MYSM1: variants seen among roughly 807,000 people sequenced by gnomAD.
MYSM1 encodes the protein deubiquitinase MYSM1.
In MYSM1, 51 loss-of-function variants were observed where a neutral mutation model predicts 116.0. That is an observed-to-expected ratio of 0.44 (90% CI 0.35 to 0.56). The LOEUF (loss-of-function observed/expected upper bound fraction) is 0.56. Ranked by LOEUF, MYSM1 falls within the 20% of genes least tolerant of loss-of-function variation. The pLI is 0.00. For missense variants in MYSM1, 900 were observed against 974.9 expected, an observed-to-expected ratio of 0.92 and a Z score of 1.02; for synonymous variants, 313 against 315.2, an observed-to-expected ratio of 0.99 and a Z score of 0.07.
rs1487760907 is a variant in MYSM1 at position 58,692,891 on chromosome 1, G to A, written c.188C>T (p.Ala63Val). ...LDNTISEENR[A>V]VIEKMLLEEE... ...TTCCAACAACATTTTCTCAATAACA[G>A]CTCTGTTCTCTTCACTGATGGTGTT... Residue 63 changes from alanine to valine, a missense_variant, in exon 3 of 20, where the codon GCT becomes GTT. Around this residue, in one of 3 missense-constraint regions of MYSM1, gnomAD observed 622 missense variants for 623.7 expected, o/e 1.00. Transcript: ENST00000472487. 1 of 1,609,504 alleles carries A rather than the reference G, an allele frequency of 6.2e-7. No individual in the cohort carries two copies. The highest frequency in any genetic ancestry group is 8.5e-7 in the Non-Finnish European group (1 of 1,178,108).
intron 12 of MYSM1, among the ~76,000 whole-genome samples, chr1:58,670,876 T>C (rs935453555): frequency 2.6e-5 from 4 of 152,200 alleles, no homozygotes; most frequent in African/African-American, 9.6e-5. Context: ...AAAAAGATCC[T>C]GAAGACCTTG....
At chr1:58,672,976 A>G (rs1644586602) in intron 11 of MYSM1, among the ~76,000 whole-genome samples, 1 of 152,204 alleles carries the variant, frequency 6.6e-6, no homozygotes, top group South Asian at 2.1e-4. Context: ...TACTTTGTGC[A>G]TGCAAGGCTT....
Position 58,655,034 on chromosome 1 carries a change from T to C in MYSM1, c.*4963A>G, listed in dbSNP as rs1236051390. 3 of 152,172 alleles carry C rather than the reference T, an allele frequency of 2.0e-5. No homozygotes were observed. The highest frequency in any genetic ancestry group is 7.2e-5 in the African/African-American group (3 of 41,448). The allele number at this position is 152,172 out of a possible 1,614,324, so 9.4% of individuals were successfully genotyped here. On this transcript the variant is annotated 3_prime_UTR_variant, in exon 20 of 20. Transcript: ENST00000472487. ...CTAATTTTTAAAAGTCCACAAACAC[T>C]GATAGCATTTGGAAAAAAATAGCAA...
intron 7 of MYSM1, among the ~76,000 whole-genome samples, chr1:58,683,893 T>C (rs1383925673): frequency 1.3e-5 from 2 of 152,236 alleles, no homozygotes; most frequent in African/African-American, 4.8e-5. Context: ...TTTCATAATA[T>C]ACTAGTCTCT....
intron 1 of MYSM1, among the ~76,000 whole-genome samples, chr1:58,698,532 T>C (rs942534755): frequency 1.4e-5 from 2 of 140,076 alleles, no homozygotes; most frequent in African/African-American, 5.3e-5. Flanking sequence ...TCAACTAAAA[T>C]AGGAAGAAAG....
rs1421004772 is a variant in MYSM1, at chr1:58,692,547, TA to T, written c.218+313del. On this transcript the variant is annotated intron_variant, in intron 3 of 19. Coordinates refer to ENST00000472487, the MANE Select transcript of MYSM1 (RefSeq NM_001085487.3). ...TCTCTGGGTTTCAGCTTATATAACTTAAAAATGCAAGCTTGGACTTAAGGTT... is the reference window on the plus strand; with the variant it reads ...TCTCTGGGTTTCAGCTTATATAACTTAAAATGCAAGCTTGGACTTAAGGTT... 14 of 195,616 alleles carry T rather than the reference TA, an allele frequency of 7.2e-5. No individual in the cohort carries two copies. The Admixed American group carries it at 8.4e-4, about 12-fold the overall frequency. 12.1% of individuals were successfully genotyped at this position (195,616 alleles called of 1,614,324 possible).
intron 1 of MYSM1, among the ~76,000 whole-genome samples, chr1:58,699,345 C>T (rs1210876663): frequency 6.6e-6 from 1 of 152,224 alleles, no homozygotes; most frequent in African/African-American, 2.4e-5. Flanking sequence ...ATAATCATTT[C>T]ATTTGATCCT....
chr1:58,689,947 T>G (rs1036656120), intron 5 of MYSM1, among the ~76,000 whole-genome samples: 2 of 152,164 alleles, frequency 1.3e-5, no homozygotes, highest in African/African-American at 4.8e-5. Context: ...ATATATCACA[T>G]AACAGCTTCT....
intron 5 of MYSM1, chr1:58,689,407 A>G (rs915928020): frequency 3.0e-5 from 8 of 268,934 alleles, no homozygotes; most frequent in Non-Finnish European, 5.5e-5. Context: ...TAACAAACAA[A>G]TAGGCTCCCT....
rs1046803442 is a variant in MYSM1, at chr1:58,655,041, A to C, written c.*4956T>G. The C allele has an allele frequency of 6.6e-6, 1 of 152,200 alleles. No homozygotes were observed. The highest frequency in any genetic ancestry group is 2.4e-5 in the African/African-American group (1 of 41,470). The allele number at this position is 152,200 out of a possible 1,614,324, so 9.4% of individuals were successfully genotyped here. A position where few individuals can be genotyped will look rare whatever the true frequency, so the allele number is the denominator to read the frequency against. ...TTAAAAGTCCACAAACACTGATAGCATTTGGAAAAAAATAGCAACAAGTTT... is the reference window on the plus strand; with the variant it reads ...TTAAAAGTCCACAAACACTGATAGCCTTTGGAAAAAAATAGCAACAAGTTT... On this transcript the variant is annotated 3_prime_UTR_variant, in exon 20 of 20. Coordinates refer to ENST00000472487, the MANE Select transcript of MYSM1 (RefSeq NM_001085487.3).
At chr1:58,670,675 T>C (rs1171268181) in intron 12 of MYSM1, among the ~76,000 whole-genome samples, 1 of 152,210 alleles carries the variant, frequency 6.6e-6, no homozygotes, top group African/African-American at 2.4e-5. Flanking sequence ...TGAAGATATA[T>C]GCGTTAATTG....
Position 58,667,033 on chromosome 1 carries a change from A to G in MYSM1, c.2031+5T>C, listed in dbSNP as rs768697394. On this transcript the variant is annotated splice_donor_5th_base_variant and intron_variant, in intron 16 of 19. Transcript: ENST00000472487. ...ATTTACAGAATATAAATATACATGT[A>G]ATACCTGGTATTTAGCTTGTGTGTC... 2 of 1,585,714 alleles carry G rather than the reference A, an allele frequency of 1.3e-6. No homozygotes were observed. Among genetic ancestry groups the G allele is most frequent in the South Asian group, 2.3e-5 (2 of 88,550 alleles).
chr1:58,689,027 G>A lies in MYSM1; in HGVS notation c.399+11C>T. The A allele has an allele frequency of 6.3e-7, 1 of 1,592,598 alleles. No homozygotes were observed. Among genetic ancestry groups the A allele is most frequent in the South Asian group, 1.2e-5 (1 of 86,376 alleles). ...ATTATTTTACTAAAAATTTAAAATT[G>A]CTCTATTTACCAGCCCTTGTTCAAA... is the stretch of plus-strand genomic sequence containing the variant. On this transcript the variant is annotated intron_variant, in intron 6 of 19. Transcript: ENST00000472487.
intron 8 of MYSM1, among the ~76,000 whole-genome samples, chr1:58,680,304 C>T (rs746791672): frequency 3.9e-5 from 6 of 152,170 alleles, no homozygotes; most frequent in Non-Finnish European, 8.8e-5. Flanking sequence ...GTCCCTAAAC[C>T]TCTCCTGATC....
intron 7 of MYSM1, among the ~76,000 whole-genome samples, chr1:58,684,094 T>C (rs367951936): frequency 2.7e-4 from 41 of 152,252 alleles, no homozygotes; most frequent in Admixed American, 7.2e-4. Context: ...AGATGGAGCA[T>C]ACAATCGATG....
At chr1:58,694,314 T>A (rs1042427374) in intron 2 of MYSM1, among the ~76,000 whole-genome samples, 13 of 152,148 alleles carry the variant, frequency 8.5e-5, no homozygotes, top group African/African-American at 3.1e-4. Context: ...TGGCACCGAG[T>A]AAGTACTCAA....
In MYSM1 at chr1:58,700,031, C is replaced by T. The variant is rs1178704124; in HGVS notation, c.22G>A (p.Val8Met). 4.3e-6 allele frequency: 7 copies of T among 1,613,660 alleles called. No individual in the cohort carries two copies. Among genetic ancestry groups the T allele is most frequent in the Non-Finnish European group, 5.9e-6 (7 of 1,180,018 alleles). Residue 8 changes from valine (V) to methionine (M), a missense_variant, in exon 1 of 20, where the codon GTG becomes ATG. Physicochemically the swap from Val to Met is conservative, Grantham distance 21. This residue lies in a region of MYSM1 where 622 missense variants were observed against 623.7 expected (regional missense o/e 1.00). Coordinates refer to ENST00000472487, the MANE Select transcript of MYSM1 (RefSeq NM_001085487.3). Reference protein sequence around the residue: MAAEEADVDIEGDVVAAA... With the variant: MAAEEADMDIEGDVVAAA... ...GCTACCACGTCCCCTTCGATATCCACATCCGCCTCTTCAGCCGCCATGATG... is the reference window on the plus strand; with the variant it reads ...GCTACCACGTCCCCTTCGATATCCATATCCGCCTCTTCAGCCGCCATGATG...
chr1:58,698,102 A>ATATATATTTTTTTTTT, intron 1 of MYSM1, among the ~76,000 whole-genome samples: 8 of 7,770 alleles, frequency 1.0e-3, no homozygotes, highest in African/African-American at 2.1e-3. Flanking sequence ...ATATATATAT[A>ATATATATTTTTTTTTT]TTTTTTTTTT....
chr1:58,698,084 C>CTCTATATATATATATATATA (rs1443443579), intron 1 of MYSM1, among the ~76,000 whole-genome samples: 5 of 31,410 alleles, frequency 1.6e-4, no homozygotes, highest in African/African-American at 5.1e-4. Context: ...ATTTATCAGA[C>CTCTATATATATATATATATA]TATATATATA....
Sources: gnomAD v4.1 joint callset for allele counts (sites outside exome capture counted in the v4.1 genomes callset) on GRCh38, gnomAD v4.1.1 for gene constraint, gnomAD v4.1.1 regional missense constraint, MANE v1.5 for transcripts, NCBI Gene and HGNC (gene_info 2026-07-23, HGNC 2026-07-21) for gene names.